The following DOCK1 variants were observed in gnomAD, a reference collection of about 807,000 sequenced individuals.
DOCK1 encodes the protein dedicator of cytokinesis 1.
In DOCK1, 138 loss-of-function variants were observed where a neutral mutation model predicts 262.7. The ratio of observed to expected loss-of-function variants is 0.53; its 90% CI spans 0.46 to 0.61. The LOEUF is 0.61. DOCK1 is among the 20% of genes least tolerant of loss of function. The pLI, the probability that DOCK1 is intolerant of heterozygous loss-of-function variation, is 0.00. For synonymous variants in DOCK1, 866 were observed against 867.4 expected (o/e 1.00, Z 0.03); for missense variants, 1,908 against 2,370.7 (o/e 0.80, Z 4.05).
rs773525849 is a variant in DOCK1, at chr10:127,026,383, G to C, written c.1583G>C (p.Ser528Thr). The C allele has an allele frequency of 1.6e-5, 26 of 1,576,136 alleles. No individual in the cohort carries two copies. The South Asian group carries it at 2.9e-4, about 18-fold the overall frequency. Residue 528 changes from serine (S) to threonine (T), a missense_variant, in exon 16 of 52, where the codon AGT (serine) becomes ACT (threonine). By Grantham distance (58) the Ser-to-Thr change is moderately conservative. Coordinates refer to ENST00000623213, the MANE Select transcript of DOCK1 (RefSeq NM_001290223.2). ...VAIPIEDVNR[S>T]HLRFTFRHRS... ...ATTCCCATCGAGGACGTTAACCGCA[G>C]TCACCTTCGGTTTACCTTCCGCCAC... is the stretch of plus-strand genomic sequence containing the variant.
chr10:127,191,323 C>T (rs1294496788), intron 27 of DOCK1, among the ~76,000 whole-genome samples: 1 of 152,144 alleles, frequency 6.6e-6, no homozygotes, highest in Non-Finnish European at 1.5e-5. Context: ...TCTTGTAACA[C>T]CTTACACATT....
At chr10:127,369,955 C>T (rs2065120654) in intron 33 of DOCK1, among the ~76,000 whole-genome samples, 1 of 152,156 alleles carries the variant, frequency 6.6e-6, no homozygotes, top group South Asian at 2.1e-4. Flanking sequence ...CGCCTAGAGC[C>T]CCAAGGGTTG....
At chr10:127,400,375 AGGTCTGG>A (rs536935054) in intron 38 of DOCK1, among the ~76,000 whole-genome samples, 89 of 152,326 alleles carry the variant, frequency 5.8e-4, no homozygotes, top group African/African-American at 2.1e-3. Context: ...TGGGTGACCC[AGGTCTGG>A]GGCTTGGCAG....
At chr10:127,418,145 G>A (rs919551403) in intron 44 of DOCK1, among the ~76,000 whole-genome samples, 8 of 151,684 alleles carry the variant, frequency 5.3e-5, no homozygotes, top group Non-Finnish European at 8.9e-5. Context: ...ACACAGCCCC[G>A]CCCCCAGAGC....
chr10:127,384,957 T>C (rs758859966), intron 38 of DOCK1, 48 bp downstream of exon 38: 72 of 1,509,658 alleles, frequency 4.8e-5, no homozygotes, highest in Non-Finnish European at 6.4e-5. Context: ...TCCATGCACC[T>C]ACCTGCAGTG....
At chr10:126,997,158 A>G (rs2040260770) in intron 7 of DOCK1, among the ~76,000 whole-genome samples, 1 of 152,174 alleles carries the variant, frequency 6.6e-6, no homozygotes, top group Non-Finnish European at 1.5e-5. Context: ...ATGAGACACA[A>G]GACTTGATTC....
At chr10:127,152,340 A>T (rs1045738161) in intron 27 of DOCK1, among the ~76,000 whole-genome samples, 1 of 152,202 alleles carries the variant, frequency 6.6e-6, no homozygotes, top group East Asian at 1.9e-4. Flanking sequence ...ATCTGTTGCT[A>T]TCATTGAGTT....
At chr10:126,986,704 G>A (rs2039418059) in intron 4 of DOCK1, among the ~76,000 whole-genome samples, 1 of 152,180 alleles carries the variant, frequency 6.6e-6, no homozygotes, top group Non-Finnish European at 1.5e-5. Flanking sequence ...GAAGTCAGGC[G>A]TTCAAGACCA....
At chr10:127,228,225 G>A (rs973039678) in intron 27 of DOCK1, among the ~76,000 whole-genome samples, 1 of 152,118 alleles carries the variant, frequency 6.6e-6, no homozygotes, top group African/African-American at 2.4e-5. Flanking sequence ...TATGCTGTGG[G>A]GTGGTAGAGT....
chr10:127,175,578 G>A lies in DOCK1; in HGVS notation c.2847+47814G>A. ...GAGTGACCACTGGCTGGCGGCTGCA[G>A]AGTCTGACAAACCAGGCTCGGGGGC... On this transcript the variant is annotated intron_variant, in intron 27 of 51. Coordinates refer to ENST00000623213, the MANE Select transcript of DOCK1 (RefSeq NM_001290223.2). This position sits in a 1 kb window ranked among gnomAD's most constrained non-coding sequence, Gnocchi z 6.3. 6.2e-7 allele frequency: 1 copy of A among 1,612,204 alleles called. No individual in the cohort carries two copies. Among genetic ancestry groups the A allele is most frequent in the South Asian group, 1.1e-5 (1 of 91,074 alleles).
intron 1 of DOCK1, among the ~76,000 whole-genome samples, chr10:126,935,995 T>A (rs2034535140): frequency 6.6e-6 from 1 of 152,244 alleles, no homozygotes; most frequent in South Asian, 2.1e-4. Flanking sequence ...TTTTTTAATT[T>A]TTTTAGACAA....
chr10:127,353,999 T>TATA (rs34477034), intron 31 of DOCK1, among the ~76,000 whole-genome samples: 101,392 of 151,786 alleles, frequency 0.67, 35,180 homozygotes, highest in African/African-American at 0.86. Context: ...TTATTTTTAA[T>TATA]ATCAGCTTTT....
chr10:127,286,207 G>T (rs1158065586), intron 29 of DOCK1, among the ~76,000 whole-genome samples: 1 of 151,872 alleles, frequency 6.6e-6, no homozygotes, highest in Non-Finnish European at 1.5e-5. Context: ...AAACACCTGG[G>T]TCTGCTTGTT....
chr10:127,325,280 A>G (rs1261657854), intron 29 of DOCK1, among the ~76,000 whole-genome samples: 2 of 152,236 alleles, frequency 1.3e-5, no homozygotes, highest in African/African-American at 4.8e-5. Flanking sequence ...CAAGCAACTG[A>G]CAAGCTTGTA....
chr10:127,343,890 G>T (rs571762323), intron 31 of DOCK1, 144 bp downstream of exon 31: 2 of 696,812 alleles, frequency 2.9e-6, no homozygotes, highest in Non-Finnish European at 4.8e-6. Context: ...CACCAATCAG[G>T]TATTGCCTTT....
chr10:127,086,179 G>A (rs2047186474), intron 23 of DOCK1, among the ~76,000 whole-genome samples: 1 of 147,500 alleles, frequency 6.8e-6, no homozygotes, highest in South Asian at 2.2e-4. Flanking sequence ...GCTGCTGTTG[G>A]ATGAAACTGC....
chr10:127,410,617 C>T (rs926707674), intron 42 of DOCK1, among the ~76,000 whole-genome samples: 3 of 152,174 alleles, frequency 2.0e-5, no homozygotes, highest in African/African-American at 7.2e-5. Flanking sequence ...TCTGTTTTCC[C>T]TCGAGGGTTG....
intron 1 of DOCK1, among the ~76,000 whole-genome samples, chr10:126,916,925 G>T (rs1351378413): frequency 8.1e-6 from 1 of 123,054 alleles, no homozygotes; most frequent in East Asian, 3.2e-4. Context: ...TGTGAGGCCA[G>T]CGGTGTTTCA....
chr10:127,120,313 T>TAAAAC (rs2133009894), intron 25 of DOCK1, among the ~76,000 whole-genome samples: 1 of 152,360 alleles, frequency 6.6e-6, no homozygotes, highest in East Asian at 1.9e-4. Flanking sequence ...ATACAAGGTC[T>TAAAAC]TTAACATCGG....
Sources: allele counts gnomAD v4.1 joint callset (sites outside exome capture counted in the v4.1 genomes callset), GRCh38; gene constraint gnomAD v4.1.1; non-coding constraint Gnocchi (gnomAD v3.1); transcripts MANE v1.5; gene names NCBI Gene and HGNC (gene_info 2026-07-23, HGNC 2026-07-21).